ZNF799: variants seen among roughly 807,000 people sequenced by gnomAD.
ZNF799 encodes the protein zinc finger protein 799.
ZNF799 carries 28 observed loss-of-function variants against 41.0 expected under a neutral mutation model. The observed-to-expected ratio is 0.68, with a 90% CI of 0.51 to 0.94. ZNF799 has a LOEUF of 0.94. Among genes scored for constraint, ZNF799 ranks in the 40% least tolerant of loss-of-function variants. ZNF799 has a pLI of 0.00. For missense variants in ZNF799, 716 were observed against 764.3 expected (o/e 0.94, Z 0.74); for synonymous variants, 213 against 252.9 (o/e 0.84, Z 1.50).
intron 2 of ZNF799, 21 bp from the exon 3 acceptor site, chr19:12,392,684 A>T (rs372121274): frequency 1.4e-5 from 22 of 1,572,036 alleles, no homozygotes; most frequent in Non-Finnish European, 1.8e-5. Flanking sequence ...TACACAGAAA[A>T]ATCATTACAA....
the ZNF799 span, among the ~76,000 whole-genome samples, chr19:12,409,586 C>G: frequency 6.6e-6 from 1 of 152,196 alleles, no homozygotes; most frequent in Non-Finnish European, 1.5e-5. Context: ...TCACTCAACA[C>G]CAGAGTACAC....
chr19:12,414,106 C>T, the ZNF799 span, among the ~76,000 whole-genome samples: 1 of 152,084 alleles, frequency 6.6e-6, no homozygotes, highest in Non-Finnish European at 1.5e-5. Flanking sequence ...GGAGAAGATG[C>T]CCTGGGCTCT....
chr19:12,403,082 A>C (rs1189064513), upstream of ZNF799, among the ~76,000 whole-genome samples: 1 of 152,166 alleles, frequency 6.6e-6, no homozygotes, highest in Non-Finnish European at 1.5e-5. Context: ...TTGCTAGCAG[A>C]CTTTTTATTA....
chr19:12,398,240 C>T (rs1344711163), intron 1 of ZNF799: 2 of 122,918 alleles, frequency 1.6e-5, no homozygotes, highest in African/African-American at 3.2e-5. Flanking sequence ...GCCTGGACAA[C>T]AGAGTGAGAC....
chr19:12,390,525 C>A lies in ZNF799; in HGVS notation c.1873G>T (p.Glu625Ter), dbSNP rs1437322742. The stretch of plus-strand genomic sequence containing the variant: ...AGAGAAGCAAATGCTTTCCCACATT[C>A]CTTACATCCATACGGGTTCTCTCCA... ...HTGENPYGCKECGKAFASLSS... is the reference protein window; with the variant it reads ...HTGENPYGCK Residue 625 changes from glutamate (E) to a stop codon, truncating the protein, a stop_gained, in exon 4 of 4, where the codon GAA (glutamate) becomes TAA (stop). Transcript: ENST00000430385. LOFTEE classifies it high-confidence loss of function. 6.2e-7 allele frequency: 1 copy of A among 1,613,580 alleles called. No individual in the cohort carries two copies. The highest frequency in any genetic ancestry group is 8.5e-7 in the Non-Finnish European group (1 of 1,179,842).
At chr19:12,399,742 C>T (rs1969949744) in intron 1 of ZNF799, among the ~76,000 whole-genome samples, 2 of 150,934 alleles carry the variant, frequency 1.3e-5, no homozygotes, top group Admixed American at 6.6e-5. Context: ...CTCCTGGGCT[C>T]CAGCCATCAT....
At position 12,391,046 on chromosome 19, in the gene ZNF799, C is replaced by T; in HGVS notation, c.1352G>A (p.Cys451Tyr). 2 of 1,614,080 alleles carry T rather than the reference C, an allele frequency of 1.2e-6. No individual in the cohort carries two copies. The highest frequency in any genetic ancestry group is 1.1e-5 in the South Asian group (1 of 91,078). ...ATCAATAAAGGCTTTCCCACATTTG[C>T]ATTTATAGGGTTTCTCTCCAGTATG... Reference protein sequence around the residue: ...TTHTGEKPYKCKCGKAFIDFY... With the variant: ...TTHTGEKPYKYKCGKAFIDFY... The change falls in exon 4 of 4, where the codon TGC (cysteine) becomes TAC (tyrosine). Residue 451 changes from cysteine (C) to tyrosine (Y), a missense_variant. Cys to Tyr is a radical substitution (Grantham distance 194, BLOSUM62 -2). This residue lies in a region of ZNF799 where 698 missense variants were observed against 713.6 expected (regional missense o/e 0.98). Transcript: ENST00000430385.
intron 1 of ZNF799, among the ~76,000 whole-genome samples, chr19:12,396,154 G>A (rs1325544561): frequency 2.6e-5 from 4 of 152,110 alleles, no homozygotes; most frequent in Admixed American, 6.6e-5. Flanking sequence ...GAAGAATACA[G>A]AAAAACATGA....
At position 12,390,925 on chromosome 19, in the gene ZNF799, A is replaced by C. The variant is rs1171606904; in HGVS notation, c.1473T>G (p.Leu491=). 6.2e-7 allele frequency: 1 copy of C among 1,613,508 alleles called. No homozygotes were observed. The highest frequency in any genetic ancestry group is 8.5e-7 in the Non-Finnish European group (1 of 1,179,848). Residue 491 remains leucine (L), a synonymous_variant, in exon 4 of 4, where the codon CTT becomes CTG. Coordinates refer to ENST00000430385, the MANE Select transcript of ZNF799 (RefSeq NM_001080821.3). ...CGKAFSCFQY[L]SQHRRTHTGE... ...CTGTGTGAGTCCTTCTATGTTGAGA[A>C]AGGTATTGGAAACAACTGAATGCTT...
intron 1 of ZNF799, among the ~76,000 whole-genome samples, chr19:12,396,133 C>T (rs1469578228): frequency 3.3e-5 from 5 of 152,098 alleles, no homozygotes; most frequent in African/African-American, 1.2e-4. Context: ...TACTTTTCAA[C>T]ACAAAATTAT....
At chr19:12,411,551 C>T in the ZNF799 span, among the ~76,000 whole-genome samples, 1 of 152,132 alleles carries the variant, frequency 6.6e-6, no homozygotes, top group South Asian at 2.1e-4. Context: ...TCACTATACA[C>T]CTACCTGTTT....
In ZNF799 at chr19:12,396,129, T is replaced by C. The variant is rs1445027344; in HGVS notation, c.4-2706A>G. Among the ~76,000 whole-genome samples the C allele has an allele frequency of 2.6e-5, 4 of 152,192 alleles. No individual in the cohort carries two copies. In the East Asian group the frequency reaches 7.7e-4, roughly 29 times the overall value. On this transcript the variant is annotated intron_variant, in intron 1 of 3. Transcript: ENST00000430385. ...ATTATAACATTGAGATGTCTACTTTTCAACACAAAATTATGAAGAATACAG... is the reference window on the plus strand; with the variant it reads ...ATTATAACATTGAGATGTCTACTTTCCAACACAAAATTATGAAGAATACAG...
rs1969857366 is a variant in ZNF799, at chr19:12,393,634, G to A, written c.4-211C>T. ...AACATGTTTGGTAAATTAACAGTGGGATAGAAACATGCCACTTGTTGGCGA... is the reference window on the plus strand; with the variant it reads ...AACATGTTTGGTAAATTAACAGTGGAATAGAAACATGCCACTTGTTGGCGA... On this transcript the variant is annotated intron_variant, in intron 1 of 3. Transcript: ENST00000430385. The A allele has an allele frequency of 4.9e-6, 7 of 1,423,758 alleles. No homozygotes were observed. In the South Asian group the frequency reaches 7.4e-5, roughly 15 times the overall value. The allele number at this position is 1,423,758 out of a possible 1,614,324, so 88.2% of individuals were successfully genotyped here. A position where few individuals can be genotyped will look rare whatever the true frequency, so the allele number is the denominator to read the frequency against.
chr19:12,392,447 A>G (rs1338710157), intron 3 of ZNF799, among the ~76,000 whole-genome samples, 156 bp downstream of exon 3: 1 of 152,228 alleles, frequency 6.6e-6, no homozygotes, highest in Non-Finnish European at 1.5e-5. Flanking sequence ...AACACTGAAC[A>G]GCTATGGAAC....
Position 12,401,149 on chromosome 19 carries a change from A to T in ZNF799, c.-79T>A, listed in dbSNP as rs1969978365. ...GGGTTCCCGCGGGACACAGGCTGCC[A>T]CGGAACTTCCAGGTCGTCTCTTAGC... On this transcript the variant is annotated 5_prime_UTR_variant, in exon 1 of 4. Transcript: ENST00000430385. 26 of 1,610,938 alleles carry T rather than the reference A, an allele frequency of 1.6e-5. No homozygotes were observed. In the South Asian group the frequency reaches 2.8e-4, roughly 17 times the overall value.
Position 12,401,254 on chromosome 19 carries a change from G to A in ZNF799, c.-184C>T, listed in dbSNP as rs538551270. Reference sequence around the variant, plus strand: ...CTTTTTCAACCACACACTCCTCTGGGAAGCGCGCCTGATTGACAGTTCCCA... The same window carrying A: ...CTTTTTCAACCACACACTCCTCTGGAAAGCGCGCCTGATTGACAGTTCCCA... On this transcript the variant is annotated 5_prime_UTR_variant, in exon 1 of 4. Transcript: ENST00000430385. 49 of 1,401,552 alleles carry A rather than the reference G, an allele frequency of 3.5e-5. 1 individual carries two copies. The South Asian group carries it at 6.4e-4, about 18-fold the overall frequency. 86.8% of individuals were successfully genotyped at this position (1,401,552 alleles called of 1,614,324 possible).
the ZNF799 span, among the ~76,000 whole-genome samples, chr19:12,406,396 A>C: frequency 0.012 from 1,832 of 151,046 alleles, 15 homozygotes; most frequent in Non-Finnish European, 0.019. Context: ...AGGCAGGAGA[A>C]TGGCGTGAAC....
intron 1 of ZNF799, among the ~76,000 whole-genome samples, chr19:12,398,550 T>C (rs1287495058): frequency 1.3e-5 from 2 of 152,200 alleles, no homozygotes; most frequent in Non-Finnish European, 2.9e-5. Flanking sequence ...TCCATGATAG[T>C]AAGTGATACA....
At chr19:12,398,328 C>G (rs1969930755) in intron 1 of ZNF799, 1 of 151,506 alleles carries the variant, frequency 6.6e-6, no homozygotes, top group African/African-American at 2.4e-5. Context: ...GCCTCTCTGC[C>G]ATAGTCAAAG....
Sources: gnomAD v4.1 joint callset for allele counts (sites outside exome capture counted in the v4.1 genomes callset) on GRCh38, gnomAD v4.1.1 for gene constraint, gnomAD v4.1.1 regional missense constraint, MANE v1.5 for transcripts, NCBI Gene and HGNC (gene_info 2026-07-23, HGNC 2026-07-21) for gene names.